Variants in SLIT3 observed in about 807,000 individuals in gnomAD.
SLIT3 encodes slit homolog 3 protein.
In SLIT3, 68 loss-of-function variants were observed where a neutral mutation model predicts 184.0. The observed-to-expected ratio is 0.37, with a 90% CI of 0.30 to 0.45. The LOEUF is 0.45. Ranked by LOEUF, SLIT3 falls within the 20% of genes least tolerant of loss-of-function variation. The probability of loss-of-function intolerance (pLI) is 1.00; values close to 1 mark genes in which losing one functional copy is unlikely to be tolerated. For synonymous variants in SLIT3, 831 were observed against 828.6 expected (o/e 1.00, Z -0.05); for missense variants, 1,707 against 2,026.0 (o/e 0.84, Z 3.02).
intron 6 of SLIT3, among the ~76,000 whole-genome samples, chr5:168,843,160 C>T (rs906719762): frequency 2.6e-5 from 4 of 152,078 alleles, no homozygotes; most frequent in African/African-American, 7.2e-5. Flanking sequence ...GGCTTTCATC[C>T]GATTTCAAGC....
chr5:169,247,199 G>A (rs1765622277), intron 2 of SLIT3, among the ~76,000 whole-genome samples: 1 of 148,502 alleles, frequency 6.7e-6, no homozygotes, highest in Non-Finnish European at 1.5e-5. Context: ...CTGGGTGACA[G>A]AGCAAGACTC....
chr5:168,806,182 G>A (rs1301925925), intron 9 of SLIT3, among the ~76,000 whole-genome samples: 1 of 152,196 alleles, frequency 6.6e-6, no homozygotes, highest in Admixed American at 6.5e-5. Context: ...GGATGTGGAG[G>A]TATTCAAAAA....
At chr5:169,236,724 G>A (rs529475050) in intron 3 of SLIT3, among the ~76,000 whole-genome samples, 1 of 152,136 alleles carries the variant, frequency 6.6e-6, no homozygotes, top group East Asian at 1.9e-4. Flanking sequence ...CCCACCTTGG[G>A]CTCCAAAAGT....
At chr5:169,179,977 G>C (rs1763105997) in intron 4 of SLIT3, among the ~76,000 whole-genome samples, 1 of 152,144 alleles carries the variant, frequency 6.6e-6, no homozygotes, top group Non-Finnish European at 1.5e-5. Context: ...GGGGATGAAA[G>C]AGCAAAATAC....
At chr5:169,273,690 A>C (rs983897701) in intron 1 of SLIT3, among the ~76,000 whole-genome samples, 13 of 152,140 alleles carry the variant, frequency 8.5e-5, no homozygotes, top group Admixed American at 2.0e-4. Context: ...CCACCAACTT[A>C]TGCTTTGAGG....
chr5:169,066,339 TAATCACACC>T (rs758624919), intron 4 of SLIT3, among the ~76,000 whole-genome samples: 3 of 152,118 alleles, frequency 2.0e-5, no homozygotes, highest in Non-Finnish European at 4.4e-5. Flanking sequence ...CTTCAAAAGA[TAATCACACC>T]AAAATTAACA....
chr5:168,923,046 C>T (rs973697293), intron 4 of SLIT3, among the ~76,000 whole-genome samples: 5 of 152,148 alleles, frequency 3.3e-5, no homozygotes, highest in African/African-American at 1.2e-4. Context: ...AGATCATGTG[C>T]TTGACTAGAT....
intron 4 of SLIT3, among the ~76,000 whole-genome samples, chr5:169,107,395 T>C (rs1360950009): frequency 3.9e-5 from 6 of 152,246 alleles, no homozygotes; most frequent in Non-Finnish European, 8.8e-5. Flanking sequence ...CATAGCTCCC[T>C]GGAGCTAAGA....
chr5:169,244,092 C>CTT (rs1765498306), intron 3 of SLIT3, among the ~76,000 whole-genome samples: 1 of 152,204 alleles, frequency 6.6e-6, no homozygotes, highest in Non-Finnish European at 1.5e-5. Flanking sequence ...ATTCCCATCC[C>CTT]TTTTCCTCTT....
intron 8 of SLIT3, among the ~76,000 whole-genome samples, chr5:168,810,934 G>T (rs1164379076): frequency 5.3e-5 from 8 of 152,048 alleles, no homozygotes; most frequent in Non-Finnish European, 1.2e-4. Context: ...TCCCATCTCT[G>T]CTGCTTGTAT....
chr5:168,945,251 T>C (rs969038073), intron 4 of SLIT3, among the ~76,000 whole-genome samples: 3 of 151,872 alleles, frequency 2.0e-5, no homozygotes, highest in Admixed American at 6.6e-5. Flanking sequence ...TCCACATTTT[T>C]TTTTTTTTGA....
intron 1 of SLIT3, among the ~76,000 whole-genome samples, chr5:169,281,152 A>G (rs372153963): frequency 5.3e-5 from 8 of 152,304 alleles, no homozygotes; most frequent in Admixed American, 2.0e-4. Flanking sequence ...AAAAGAAACT[A>G]GAAATAGATT....
intron 4 of SLIT3, among the ~76,000 whole-genome samples, chr5:168,884,126 C>A (rs1044031859): frequency 6.6e-6 from 1 of 151,416 alleles, no homozygotes; most frequent in Admixed American, 6.6e-5. Flanking sequence ...GGTTTGTTTC[C>A]CACATTTAGT....
intron 35 of SLIT3, chr5:168,666,939 C>G: frequency 1.6e-6 from 1 of 629,698 alleles, no homozygotes; most frequent in Non-Finnish European, 2.8e-6. Context: ...CAGGCTTGGT[C>G]CCTTCCTTCA....
intron 3 of SLIT3, among the ~76,000 whole-genome samples, chr5:169,232,708 A>C (rs1174173640): frequency 6.6e-6 from 1 of 152,186 alleles, no homozygotes; most frequent in Non-Finnish European, 1.5e-5. Context: ...CTTTGTTAAA[A>C]ATCAAGTATC....
intron 4 of SLIT3, among the ~76,000 whole-genome samples, chr5:168,910,927 T>C (rs540449442): frequency 2.0e-5 from 3 of 152,290 alleles, no homozygotes; most frequent in African/African-American, 7.2e-5. Context: ...GAGATTGGCA[T>C]GGAAATCACA....
At chr5:169,083,327 G>A (rs2113169327) in intron 4 of SLIT3, among the ~76,000 whole-genome samples, 1 of 152,250 alleles carries the variant, frequency 6.6e-6, no homozygotes, top group East Asian at 1.9e-4. Context: ...TAGGTTAACT[G>A]AGACCTTAAA....
At chr5:168,749,729 G>A in intron 18 of SLIT3, 94 bp from the exon 19 acceptor site, 1 of 1,373,924 alleles carries the variant, frequency 7.3e-7, no homozygotes, top group Non-Finnish European at 1.0e-6. Context: ...TAGCCAGGAA[G>A]GAGGAGGTCT....
chr5:169,246,601 C>T (rs941382513), intron 2 of SLIT3, among the ~76,000 whole-genome samples: 6 of 152,026 alleles, frequency 3.9e-5, no homozygotes, highest in African/African-American at 1.4e-4. Flanking sequence ...ATCATCTAGC[C>T]CAGGTTCTGC....
Sources: allele counts gnomAD v4.1 joint callset (sites outside exome capture counted in the v4.1 genomes callset), GRCh38; gene constraint gnomAD v4.1.1; transcripts MANE v1.5; gene names NCBI Gene and HGNC (gene_info 2026-07-23, HGNC 2026-07-21).